SARS1: variants seen among roughly 807,000 people sequenced by gnomAD.
The protein encoded by SARS1 is seryl-tRNA synthetase 1.
A neutral mutation model predicts 63.7 loss-of-function variants in SARS1; 25 were observed. That is an observed-to-expected ratio of 0.39 (90% CI 0.29 to 0.55). The LOEUF is 0.55. Among genes scored for constraint, SARS1 ranks in the 20% least tolerant of loss-of-function variants. The pLI is 0.62. For missense variants in SARS1, 417 were observed against 649.7 expected, an observed-to-expected ratio of 0.64 and a Z score of 3.89; for synonymous variants, 231 against 243.5, an observed-to-expected ratio of 0.95 and a Z score of 0.48.
intron 3 of SARS1, among the ~76,000 whole-genome samples, chr1:109,229,213 T>G (rs1198685260): frequency 1.3e-5 from 2 of 152,124 alleles, no homozygotes; most frequent in East Asian, 3.8e-4. Flanking sequence ...CAAAGAAAAA[T>G]GCCGATGGAT....
Position 109,238,109 on chromosome 1 carries a change from C to A in SARS1, c.*221C>A, listed in dbSNP as rs1655353222. Reference sequence around the variant, plus strand: ...CTGATGAAACCATGTAATAAAGCATCTCTGGGGAGGGCTTAGGACTCTTCC... The same window carrying A: ...CTGATGAAACCATGTAATAAAGCATATCTGGGGAGGGCTTAGGACTCTTCC... On this transcript the variant is annotated 3_prime_UTR_variant, in exon 11 of 11. Transcript: ENST00000234677. 2 of 592,612 alleles carry A rather than the reference C, an allele frequency of 3.4e-6. No individual in the cohort carries two copies. The highest frequency in any genetic ancestry group is 6.1e-6 in the Non-Finnish European group (2 of 330,176). 36.7% of individuals were successfully genotyped at this position (592,612 alleles called of 1,614,324 possible).
At position 109,230,860 on chromosome 1, in the gene SARS1, C is replaced by A. The variant is rs1245636085; in HGVS notation, c.448-18C>A. The A allele has an allele frequency of 1.3e-6, 2 of 1,590,440 alleles. No individual in the cohort carries two copies. Among genetic ancestry groups the A allele is most frequent in the Middle Eastern group, 1.7e-4 (1 of 5,962 alleles). Reference sequence around the variant, plus strand: ...AATCATATGTCTTGTATGTCTCTTTCTTGCTCTGTTTCCTTAGGATGTGGA... The same window carrying A: ...AATCATATGTCTTGTATGTCTCTTTATTGCTCTGTTTCCTTAGGATGTGGA... On this transcript the variant is annotated intron_variant, in intron 4 of 10. Transcript: ENST00000234677.
At position 109,214,450 on chromosome 1, in the gene SARS1, T is replaced by G; in HGVS notation, c.136+322T>G. On this transcript the variant is annotated intron_variant, in intron 1 of 10. Transcript: ENST00000234677. The surrounding 1 kb of genome is among the most constrained non-coding windows in gnomAD (Gnocchi z 4.6). ...CAGAACATGCCGGGGCGGGAGGTTG[T>G]GGGGTCTACGCGGCTTTCCTAACAC... 1 of 893,474 alleles carries G rather than the reference T, an allele frequency of 1.1e-6. No homozygotes were observed. The highest frequency in any genetic ancestry group is 1.4e-6 in the Non-Finnish European group (1 of 702,522). 55.3% of individuals were successfully genotyped at this position (893,474 alleles called of 1,614,324 possible). A position where few individuals can be genotyped will look rare whatever the true frequency, so the allele number is the denominator to read the frequency against.
At chr1:109,218,521 A>G (rs1654846657) in intron 1 of SARS1, among the ~76,000 whole-genome samples, 1 of 151,102 alleles carries the variant, frequency 6.6e-6, no homozygotes, top group African/African-American at 2.4e-5. Context: ...GTCACATGGT[A>G]TTAAAAGCTA....
Position 109,214,149 on chromosome 1 carries a change from G to T in SARS1, c.136+21G>T. On this transcript the variant is annotated intron_variant, in intron 1 of 10. Coordinates refer to ENST00000234677, the MANE Select transcript of SARS1 (RefSeq NM_006513.4). This position sits in a 1 kb window ranked among gnomAD's most constrained non-coding sequence, Gnocchi z 4.6. ...ACGATGTAAGTACCGGGACGGGCGG[G>T]TTACCTCCTTGATGCTAAACCCAAT... is the stretch of plus-strand genomic sequence containing the variant. 1 of 1,611,826 alleles carries T rather than the reference G, an allele frequency of 6.2e-7. No individual in the cohort carries two copies. The highest frequency in any genetic ancestry group is 8.5e-7 in the Non-Finnish European group (1 of 1,178,872).
At chr1:109,224,439 T>C (rs1205717136) in intron 2 of SARS1, among the ~76,000 whole-genome samples, 1 of 152,222 alleles carries the variant, frequency 6.6e-6, no homozygotes, top group African/African-American at 2.4e-5. Context: ...TATGTGTCTT[T>C]TAGGCAAGTT....
chr1:109,234,748 C>T (rs1655275600), intron 6 of SARS1, among the ~76,000 whole-genome samples: 1 of 152,160 alleles, frequency 6.6e-6, no homozygotes, highest in Admixed American at 6.5e-5. Flanking sequence ...GGTGGATCAC[C>T]TGAGGTCAGG....
intron 1 of SARS1, chr1:109,216,009 T>C (rs1654776112): frequency 1.0e-6 from 1 of 984,634 alleles, no homozygotes; most frequent in Admixed American, 6.2e-5. Flanking sequence ...TGGCCAATAG[T>C]TTATTTCCAA....
chr1:109,235,617 G>A lies in SARS1; in HGVS notation c.969+186G>A, dbSNP rs1655291090. On this transcript the variant is annotated intron_variant, in intron 7 of 10. Coordinates refer to ENST00000234677, the MANE Select transcript of SARS1 (RefSeq NM_006513.4). The surrounding 1 kb of genome is among the most constrained non-coding windows in gnomAD (Gnocchi z 4.7). ...TTATGGACCCTGAAACCAGGCTGCG[G>A]CTTTACCACTCACCAGCTGTGTAAC... Among the ~76,000 whole-genome samples the A allele has an allele frequency of 6.6e-6, 1 of 152,104 alleles. No homozygotes were observed. The highest frequency in any genetic ancestry group is 1.5e-5 in the Non-Finnish European group (1 of 68,024).
intron 1 of SARS1, among the ~76,000 whole-genome samples, chr1:109,217,399 TA>T (rs1279691485): frequency 3.3e-5 from 5 of 152,068 alleles, no homozygotes; most frequent in Non-Finnish European, 5.9e-5. Flanking sequence ...CTATTGATCA[TA>T]AAGTTTAAGC....
chr1:109,218,397 G>C (rs1430622920), intron 1 of SARS1, among the ~76,000 whole-genome samples: 1 of 132,366 alleles, frequency 7.6e-6, no homozygotes, highest in Non-Finnish European at 1.6e-5. Context: ...AAACTACTGA[G>C]ATATTTTACT....
rs767953116 is a variant in SARS1 at position 109,229,445 on chromosome 1, G to A, written c.320G>A (p.Arg107Gln). The A allele has an allele frequency of 8.1e-6, 13 of 1,613,992 alleles. No homozygotes were observed. The highest frequency in any genetic ancestry group is 3.3e-5 in the Admixed American group (2 of 59,988). ...AAAGTCTCACAAATCAAAAAAGTCCGACTCCTCATTGATGAAGCCATCCTG... is the reference window on the plus strand; with the variant it reads ...AAAGTCTCACAAATCAAAAAAGTCCAACTCCTCATTGATGAAGCCATCCTG... ...NLKVSQIKKV[R>Q]LLIDEAILKC... The change falls in exon 4 of 11, where the codon CGA becomes CAA. Residue 107 changes from arginine (R) to glutamine (Q), a missense_variant. By Grantham distance (43) the Arg-to-Gln change is conservative. This residue lies in a region of SARS1 where 359 missense variants were observed against 529.6 expected (regional missense o/e 0.68). Coordinates refer to ENST00000234677, the MANE Select transcript of SARS1 (RefSeq NM_006513.4).
At position 109,237,427 on chromosome 1, in the gene SARS1, C is replaced by A; in HGVS notation, c.1387+54C>A. Reference sequence around the variant, plus strand: ...TCCTCTTTTCTGTCTTCACACTCTTCTAAATAGCAGTCCCCTTTCAGGATA... The same window carrying A: ...TCCTCTTTTCTGTCTTCACACTCTTATAAATAGCAGTCCCCTTTCAGGATA... On this transcript the variant is annotated intron_variant, in intron 10 of 10. Coordinates refer to ENST00000234677, the MANE Select transcript of SARS1 (RefSeq NM_006513.4). This position sits in a 1 kb window ranked among gnomAD's most constrained non-coding sequence, Gnocchi z 4.1. The A allele has an allele frequency of 1.9e-6, 3 of 1,612,004 alleles. No individual in the cohort carries two copies. The highest frequency in any genetic ancestry group is 2.5e-6 in the Non-Finnish European group (3 of 1,178,600).
chr1:109,230,828 A>G, intron 4 of SARS1, 50 bp from the exon 5 acceptor site: 1 of 1,509,804 alleles, frequency 6.6e-7, no homozygotes, highest in Non-Finnish European at 8.9e-7. Context: ...TAATTTAAAA[A>G]TAATAAAATC....
chr1:109,233,203 G>A (rs746571406), intron 6 of SARS1, among the ~76,000 whole-genome samples: 5 of 151,744 alleles, frequency 3.3e-5, no homozygotes, highest in African/African-American at 7.3e-5. Flanking sequence ...TAGAGACAGG[G>A]TCTCACTATG....
At position 109,236,028 on chromosome 1, in the gene SARS1, T is replaced by C. The variant is rs143192294; in HGVS notation, c.1021T>C (p.Phe341Leu). The change falls in exon 8 of 11, where the codon TTT (phenylalanine) becomes CTT (leucine). Residue 341 changes from phenylalanine to leucine, a missense_variant. Phe to Leu is a conservative substitution (Grantham distance 22). This residue lies in a region of SARS1 where 359 missense variants were observed against 529.6 expected (regional missense o/e 0.68). Coordinates refer to ENST00000234677, the MANE Select transcript of SARS1 (RefSeq NM_006513.4). ...SPHDNKSWEMFEEMITTAEEF... is the reference protein window; with the variant it reads ...SPHDNKSWEMLEEMITTAEEF... Reference sequence around the variant, plus strand: ...CCATGACAACAAGTCATGGGAGATGTTTGAAGAGATGATTACCACCGCAGA... The same window carrying C: ...CCATGACAACAAGTCATGGGAGATGCTTGAAGAGATGATTACCACCGCAGA... 271 of 1,613,848 alleles carry C rather than the reference T, an allele frequency of 1.7e-4. No homozygotes were observed. The East Asian group carries it at 5.5e-3, about 33-fold the overall frequency.
chr1:109,218,061 G>A (rs907695777), intron 1 of SARS1, among the ~76,000 whole-genome samples: 1 of 151,274 alleles, frequency 6.6e-6, no homozygotes, highest in Non-Finnish European at 1.5e-5. Context: ...GGCATGGTGG[G>A]GGGCGCCTGT....
Position 109,229,496 on chromosome 1 carries a change from T to C in SARS1, c.371T>C (p.Leu124Ser), listed in dbSNP as rs772836536. The C allele has an allele frequency of 5.0e-6, 8 of 1,614,178 alleles. No individual in the cohort carries two copies. The Admixed American group carries it at 1.3e-4, about 27-fold the overall frequency. The part of the protein sequence containing the change: ...ILKCDAERIK[L>S]EAERFENLRE... ...AAGTGTGACGCGGAGCGGATAAAGT[T>C]GGAAGCAGAGCGGTTTGAGAACCTC... The change falls in exon 4 of 11, where the codon TTG becomes TCG. Residue 124 changes from leucine (L) to serine (S), a missense_variant. By Grantham distance (145) the Leu-to-Ser change is moderately radical. Transcript: ENST00000234677.
chr1:109,225,403 A>G (rs1655044622), intron 2 of SARS1, among the ~76,000 whole-genome samples: 1 of 152,190 alleles, frequency 6.6e-6, no homozygotes, highest in Non-Finnish European at 1.5e-5. Flanking sequence ...TTCGCATACT[A>G]GAGGCCCCAT....
Sources: allele counts gnomAD v4.1 joint callset (sites outside exome capture counted in the v4.1 genomes callset), GRCh38; gene constraint gnomAD v4.1.1; regional missense constraint gnomAD v4.1.1; non-coding constraint Gnocchi (gnomAD v3.1); transcripts MANE v1.5; gene names NCBI Gene and HGNC (gene_info 2026-07-23, HGNC 2026-07-21).